HUWE1: variants seen among roughly 807,000 people sequenced by gnomAD.
HUWE1 encodes E3 ubiquitin-protein ligase HUWE1.
HUWE1 carries 18 observed loss-of-function variants against 299.4 expected under a neutral mutation model. The observed-to-expected ratio is 0.06, with a 90% CI of 0.04 to 0.09. HUWE1 has a LOEUF of 0.09. Ranked by LOEUF, HUWE1 falls within the 10% of genes least tolerant of loss-of-function variation. The pLI is 1.00. For synonymous variants in HUWE1, 1,317 were observed against 1,286.1 expected (o/e 1.02, Z -0.51); for missense variants, 1,832 against 3,462.3 (o/e 0.53, Z 11.82).
intron 35 of HUWE1, 84 bp downstream of exon 35, chrX:53,590,320 A>G: frequency 1.6e-6 from 1 of 641,494 alleles, no homozygotes; most frequent in African/African-American, 2.2e-5. Flanking sequence ...AATTCTATCA[A>G]TTAGTTTGCA....
At position 53,669,232 on chromosome X, in the gene HUWE1, G is replaced by A. The variant is rs1241285393; in HGVS notation, c.-25+10817C>T. ...ACTGATAAGAAAGTTGTAAAACAAA[G>A]CCTTTAAAAACAAAGGTGTCCCAAC... On this transcript the variant is annotated intron_variant, in intron 3 of 83. Transcript: ENST00000262854. Among the ~76,000 whole-genome samples, 4 of 112,314 alleles carry A rather than the reference G, an allele frequency of 3.6e-5. 1 individual carries two copies. Among genetic ancestry groups the A allele is most frequent in the South Asian group, 7.3e-4 (2 of 2,722 alleles).
At chrX:53,643,482 T>C (rs2149226684) in intron 7 of HUWE1, among the ~76,000 whole-genome samples, 1 of 110,993 alleles carries the variant, frequency 9.0e-6, no homozygotes, top group South Asian at 3.8e-4. Context: ...CCTGAGTAGC[T>C]AGGATTACAA....
rs200874374 is a variant in HUWE1 at position 53,648,652 on chromosome X, T to TAAA, written c.46-345_46-343dup. 4.5e-4 allele frequency among the ~76,000 whole-genome samples: 40 copies of TAAA among 88,030 alleles called. 1 individual carries two copies. Among genetic ancestry groups the TAAA allele is most frequent in the Middle Eastern group, 5.8e-3 (1 of 172 alleles). The allele number at this position is 88,030 out of a possible 115,157, so 76.4% of individuals were successfully genotyped here. Reference sequence around the variant, plus strand: ...CAAAAACAATAATAAGTTAAACATCTAAAAAAAAAAAAAAAACAATTAAGG... The same window carrying TAAA: ...CAAAAACAATAATAAGTTAAACATCTAAAAAAAAAAAAAAAAAAACAATTAAGG... On this transcript the variant is annotated intron_variant, in intron 4 of 83. Coordinates refer to ENST00000262854, the MANE Select transcript of HUWE1 (RefSeq NM_031407.7).
In HUWE1 at chrX:53,608,918, G is replaced by A; in HGVS notation, c.2262-9C>T. The A allele has an allele frequency of 9.3e-7, 1 of 1,075,221 alleles. No individual in the cohort carries two copies. The highest frequency in any genetic ancestry group is 1.3e-6 in the Non-Finnish European group (1 of 771,022). 88.6% of individuals were successfully genotyped at this position (1,075,221 alleles called of 1,213,427 possible). A position where few individuals can be genotyped will look rare whatever the true frequency, so the allele number is the denominator to read the frequency against. On this transcript the variant is annotated splice_polypyrimidine_tract_variant and intron_variant, in intron 23 of 83. Transcript: ENST00000262854. The stretch of plus-strand genomic sequence containing the variant: ...CCTCTGTACCAACAACCCTGTTAGG[G>A]GAGAAAAGAGTGAGTTACACAGAAA...
chrX:53,614,091 C>T (rs781791585), intron 23 of HUWE1, among the ~76,000 whole-genome samples: 1 of 110,466 alleles, frequency 9.1e-6, no homozygotes, highest in South Asian at 3.9e-4. Context: ...ATGGTGAAAC[C>T]CCATCTCTAC....
intron 43 of HUWE1, among the ~76,000 whole-genome samples, chrX:53,578,674 A>C (rs1312404622): frequency 4.7e-5 from 3 of 64,200 alleles, no homozygotes; most frequent in African/African-American, 1.9e-4. Context: ...TCCGGGAGGG[A>C]GGTGGGGGGA....
Position 53,547,803 on chromosome X carries a change from G to A in HUWE1, c.10506C>T (p.Pro3502=). The A allele has an allele frequency of 1.0e-5, 12 of 1,200,766 alleles. No homozygotes were observed. In the East Asian group the frequency reaches 1.8e-4, roughly 18 times the overall value. Residue 3502 remains proline (P), a synonymous_variant, in exon 68 of 84, where the codon CCC becomes CCT. Transcript: ENST00000262854. ...CAGGGGTGGGTGCAGTAGGGGGTGT[G>A]GGCGTGGTGGAGGCGGCAGTGGTGG... The part of the protein sequence containing the change: ...TTTTTAASTT[P]TPPTAPTPVT...
chrX:53,656,146 C>T (rs1557042842), intron 3 of HUWE1, among the ~76,000 whole-genome samples: 1 of 108,192 alleles, frequency 9.2e-6, no homozygotes, highest in East Asian at 2.9e-4. Flanking sequence ...GAGGCTGAGG[C>T]GGGCGGATCA....
chrX:53,640,499 A>C (rs1296921729), intron 7 of HUWE1, among the ~76,000 whole-genome samples: 3 of 112,224 alleles, frequency 2.7e-5, no homozygotes, highest in African/African-American at 9.7e-5. Context: ...CTAAATACCT[A>C]ATTATCTCTA....
At chrX:53,557,551 T>C (rs1005715069) in intron 59 of HUWE1, 124 bp from the exon 60 acceptor site, 2 of 565,668 alleles carry the variant, frequency 3.5e-6, no homozygotes, top group African/African-American at 4.5e-5. Context: ...GAGAATGCTT[T>C]GGCCATGTGA....
At chrX:53,600,792 A>C (rs2064785050) in intron 28 of HUWE1, among the ~76,000 whole-genome samples, 1 of 112,811 alleles carries the variant, frequency 8.9e-6, no homozygotes, top group African/African-American at 3.2e-5. Context: ...TCTAAGAATG[A>C]GCTTTATGCA....
At chrX:53,558,898 G>T in intron 58 of HUWE1, 73 bp downstream of exon 58, 1 of 1,177,017 alleles carries the variant, frequency 8.5e-7, no homozygotes, top group South Asian at 1.8e-5. Flanking sequence ...GAGAACCAGG[G>T]AAACAACTCT....
chrX:53,558,296 C>T (rs182424200), intron 59 of HUWE1, among the ~76,000 whole-genome samples: 14 of 111,798 alleles, frequency 1.3e-4, no homozygotes, highest in Admixed American at 3.8e-4. Flanking sequence ...ATTCCCCACA[C>T]TGGCAGTTCA....
At chrX:53,579,524 G>A (rs369019202) in intron 43 of HUWE1, among the ~76,000 whole-genome samples, 6 of 109,124 alleles carry the variant, frequency 5.5e-5, no homozygotes, top group South Asian at 4.0e-4. Flanking sequence ...GGGTGGGGAA[G>A]AAATTGAGAA....
chrX:53,579,657 T>C (rs1412890433), intron 43 of HUWE1, among the ~76,000 whole-genome samples: 3 of 98,907 alleles, frequency 3.0e-5, no homozygotes, highest in South Asian at 5.2e-4. Context: ...TCCCCAACCC[T>C]GTGCTCTCTG....
chrX:53,539,321 A>AAC (rs139544783), intron 75 of HUWE1, among the ~76,000 whole-genome samples: 2 of 42,312 alleles, frequency 4.7e-5, no homozygotes, highest in Non-Finnish European at 1.2e-4. Context: ...TTTCTGATTT[A>AAC]AAAAAAAAAA....
At chrX:53,663,893 A>C (rs1375767691) in intron 3 of HUWE1, among the ~76,000 whole-genome samples, 1 of 110,081 alleles carries the variant, frequency 9.1e-6, no homozygotes, top group Admixed American at 9.7e-5. Flanking sequence ...AAAAAAAAAA[A>C]ACCTGGGAAG....
At position 53,547,767 on chromosome X, in the gene HUWE1, A is replaced by G. The variant is rs1452180752; in HGVS notation, c.10542T>C (p.Ala3514=). 1 of 1,202,982 alleles carries G rather than the reference A, an allele frequency of 8.3e-7. No individual in the cohort carries two copies. Among genetic ancestry groups the G allele is most frequent in the African/African-American group, 1.7e-5 (1 of 57,477 alleles). Residue 3514 remains alanine, a synonymous_variant, in exon 68 of 84, where the codon GCT becomes GCC. Coordinates refer to ENST00000262854, the MANE Select transcript of HUWE1 (RefSeq NM_031407.7). ...TAGCCGTGGCAGCAACCAGGGCTGG[A>G]GCAGAAGTGACAGGGGTGGGTGCAG... ...PPTAPTPVTS[A]PALVAATAIS...
In HUWE1 at chrX:53,533,888, T is replaced by G. The variant is rs782657713; in HGVS notation, c.13022+119A>C. 2.9e-5 allele frequency: 20 copies of G among 679,684 alleles called. No homozygotes were observed. In the African/African-American group the frequency reaches 3.0e-4, roughly 10 times the overall value. The allele number at this position is 679,684 out of a possible 1,213,427, so 56.0% of individuals were successfully genotyped here. On this transcript the variant is annotated intron_variant, in intron 83 of 83. Coordinates refer to ENST00000262854, the MANE Select transcript of HUWE1 (RefSeq NM_031407.7). The stretch of plus-strand genomic sequence containing the variant: ...TCCATAGAAACACCAAATTGTGAGT[T>G]ACCCAAGGTCCAGGACTCAGCCACA...
Sources: allele counts gnomAD v4.1 joint callset (sites outside exome capture counted in the v4.1 genomes callset), GRCh38; gene constraint gnomAD v4.1.1; transcripts MANE v1.5; gene names NCBI Gene and HGNC (gene_info 2026-07-23, HGNC 2026-07-21).